Variants in CLINT1 observed in about 807,000 individuals in gnomAD.
The protein encoded by CLINT1 is clathrin interactor 1.
A neutral mutation model predicts 70.4 loss-of-function variants in CLINT1; 15 were observed. The observed-to-expected ratio is 0.21, with a 90% confidence interval of 0.14 to 0.33. The LOEUF is 0.33. Among genes scored for constraint, CLINT1 ranks in the 10% least tolerant of loss-of-function variants. CLINT1 has a pLI of 1.00. For missense variants in CLINT1, 615 were observed against 778.1 expected, an observed-to-expected ratio of 0.79 and a Z score of 2.49; for synonymous variants, 227 against 254.7, an observed-to-expected ratio of 0.89 and a Z score of 1.04.
intron 1 of CLINT1, among the ~76,000 whole-genome samples, chr5:157,854,147 G>A (rs985654400): frequency 1.3e-5 from 2 of 152,134 alleles, no homozygotes; most frequent in African/African-American, 4.8e-5. Context: ...ACTGAACAGA[G>A]ATTTACTGGT....
At chr5:157,807,893 A>C (rs1450885437) in intron 6 of CLINT1, among the ~76,000 whole-genome samples, 1 of 152,126 alleles carries the variant, frequency 6.6e-6, no homozygotes, top group Non-Finnish European at 1.5e-5. Flanking sequence ...CCTAAGACCC[A>C]ACCAGACTGT....
At chr5:157,818,462 G>GTC (rs1762784646) in intron 1 of CLINT1, among the ~76,000 whole-genome samples, 1 of 128,918 alleles carries the variant, frequency 7.8e-6, no homozygotes, top group Non-Finnish European at 1.6e-5. Context: ...GTGAGACCTG[G>GTC]TCTCTAAAAA....
At chr5:157,846,349 T>C (rs1302880956) in intron 1 of CLINT1, among the ~76,000 whole-genome samples, 2 of 151,596 alleles carry the variant, frequency 1.3e-5, no homozygotes, top group Admixed American at 6.6e-5. Context: ...TGGAGAAAGT[T>C]TGAGTGGTTT....
At chr5:157,812,220 G>T (rs995010432) in intron 5 of CLINT1, among the ~76,000 whole-genome samples, 31 of 152,192 alleles carry the variant, frequency 2.0e-4, no homozygotes, top group Middle Eastern at 3.4e-3. Context: ...AAGGAGATAT[G>T]AGAGCTCAAT....
intron 10 of CLINT1, chr5:157,789,760 A>C: frequency 1.7e-6 from 1 of 580,168 alleles, no homozygotes; most frequent in Non-Finnish European, 3.1e-6. Flanking sequence ...GAGGTGGATA[A>C]AACCAACAAC....
intron 8 of CLINT1, among the ~76,000 whole-genome samples, chr5:157,799,949 A>C (rs1438558300): frequency 6.6e-6 from 1 of 152,152 alleles, no homozygotes. Context: ...ATAGTATTGT[A>C]TATGGGACCA....
At chr5:157,840,246 T>A (rs1581535140) in intron 1 of CLINT1, among the ~76,000 whole-genome samples, 1 of 129,874 alleles carries the variant, frequency 7.7e-6, no homozygotes, top group African/African-American at 2.9e-5. Context: ...AGGAATAGTC[T>A]ATTTAAAAAA....
Position 157,797,832 on chromosome 5 carries a change from T to C in CLINT1, c.1013-2860A>G, listed in dbSNP as rs575786247. 2.0e-5 allele frequency among the ~76,000 whole-genome samples: 3 copies of C among 152,342 alleles called. No homozygotes were observed. In the East Asian group the frequency reaches 5.8e-4, roughly 29 times the overall value. On this transcript the variant is annotated intron_variant, in intron 8 of 11. Transcript: ENST00000411809. ...TAGTATTTCAGATAATTACCTATCTTCTATCACCAAAACAGAAATTATATG... is the reference window on the plus strand; with the variant it reads ...TAGTATTTCAGATAATTACCTATCTCCTATCACCAAAACAGAAATTATATG...
chr5:157,804,931 A>G (rs368703442), intron 7 of CLINT1, among the ~76,000 whole-genome samples: 1 of 150,542 alleles, frequency 6.6e-6, no homozygotes, highest in Non-Finnish European at 1.5e-5. Flanking sequence ...CGGTCTTCCA[A>G]AAAAAGAAAA....
intron 1 of CLINT1, among the ~76,000 whole-genome samples, chr5:157,842,438 G>A (rs1753218796): frequency 6.6e-6 from 1 of 152,198 alleles, no homozygotes. Context: ...GGGTGATACA[G>A]CGAGACTCCA....
intron 6 of CLINT1, among the ~76,000 whole-genome samples, chr5:157,806,446 T>A (rs1298155099): frequency 6.6e-6 from 1 of 152,206 alleles, no homozygotes; most frequent in African/African-American, 2.4e-5. Flanking sequence ...GGATTTGATA[T>A]CAGAATCCAT....
chr5:157,801,073 T>C (rs1224570347), intron 8 of CLINT1, among the ~76,000 whole-genome samples: 2 of 152,210 alleles, frequency 1.3e-5, no homozygotes, highest in African/African-American at 4.8e-5. Flanking sequence ...CTTAAACATA[T>C]AAAAATATAT....
In CLINT1 at chr5:157,853,777, C is replaced by CAA. The variant is rs11316474; in HGVS notation, c.41+5151_41+5152dup. On this transcript the variant is annotated intron_variant, in intron 1 of 11. Transcript: ENST00000411809. Reference sequence around the variant, plus strand: ...GGGCAACGAGAGCGAGACACCATCTCAAAAAAAAAAAAAAAAAAAAAAAAA... The same window carrying CAA: ...GGGCAACGAGAGCGAGACACCATCTCAAAAAAAAAAAAAAAAAAAAAAAAAAA... Among the ~76,000 whole-genome samples the CAA allele has an allele frequency of 7.2e-3, 345 of 47,984 alleles. 6 individuals carry two copies. Among genetic ancestry groups the CAA allele is most frequent in the Middle Eastern group, 0.021 (1 of 48 alleles). 31.5% of individuals were successfully genotyped at this position (47,984 alleles called of 152,430 possible).
chr5:157,787,690 G>C lies in CLINT1; in HGVS notation c.1834C>G (p.Pro612Ala). Residue 612 changes from proline (P) to alanine (A), a missense_variant, in exon 12 of 12, where the codon CCC becomes GCC. Physicochemically the swap from Pro to Ala is conservative, Grantham distance 27. Coordinates refer to ENST00000411809, the MANE Select transcript of CLINT1 (RefSeq NM_014666.4). ...AAATTTGCAAAGGCATCTTGCTTGGGTTGCACAGTTCCAGAAGTCATGGCT... is the reference window on the plus strand; with the variant it reads ...AAATTTGCAAAGGCATCTTGCTTGGCTTGCACAGTTCCAGAAGTCATGGCT... ...NIAMTSGTVQPKQDAFANFAN... is the reference protein window; with the variant it reads ...NIAMTSGTVQAKQDAFANFAN... 1.2e-6 allele frequency: 2 copies of C among 1,613,980 alleles called. No individual in the cohort carries two copies. Among genetic ancestry groups the C allele is most frequent in the Non-Finnish European group, 1.7e-6 (2 of 1,179,876 alleles).
Position 157,786,235 on chromosome 5 carries a change from T to C in CLINT1, c.*1411A>G, listed in dbSNP as rs1561630819. 1 of 152,208 alleles carries C rather than the reference T, an allele frequency of 6.6e-6. No individual in the cohort carries two copies. The allele number at this position is 152,208 out of a possible 1,614,324, so 9.4% of individuals were successfully genotyped here. A position where few individuals can be genotyped will look rare whatever the true frequency, so the allele number is the denominator to read the frequency against. On this transcript the variant is annotated 3_prime_UTR_variant, in exon 12 of 12. Coordinates refer to ENST00000411809, the MANE Select transcript of CLINT1 (RefSeq NM_014666.4). ...CTTTGCCCAAACTATAATTATTTTT[T>C]CCCCAAATGGTCTCAAATGTCTAAC...
At chr5:157,800,972 G>A (rs1762194812) in intron 8 of CLINT1, among the ~76,000 whole-genome samples, 2 of 152,156 alleles carry the variant, frequency 1.3e-5, no homozygotes. Flanking sequence ...AATATTTCAT[G>A]CCAGGAAGTC....
chr5:157,787,909 G>C lies in CLINT1; in HGVS notation c.1615C>G (p.Pro539Ala). The C allele has an allele frequency of 6.2e-7, 1 of 1,613,534 alleles. No homozygotes were observed. Among genetic ancestry groups the C allele is most frequent in the East Asian group, 2.2e-5 (1 of 44,850 alleles). The change falls in exon 12 of 12, where the codon CCC becomes GCC. Residue 539 changes from proline to alanine, a missense_variant. Physicochemically the swap from Pro to Ala is conservative, Grantham distance 27. This residue lies in a region of CLINT1 where 374 missense variants were observed against 409.6 expected (regional missense o/e 0.91). Transcript: ENST00000411809. ...SSPSNMLPVRPQTNALIGGPM... is the reference protein window; with the variant it reads ...SSPSNMLPVRAQTNALIGGPM... Reference sequence around the variant, plus strand: ...CCCCCTATCAAAGCATTAGTTTGGGGCCGGACAGGAAGCATGTTCGATGGA... The same window carrying C: ...CCCCCTATCAAAGCATTAGTTTGGGCCCGGACAGGAAGCATGTTCGATGGA...
At chr5:157,846,157 A>G (rs939171472) in intron 1 of CLINT1, among the ~76,000 whole-genome samples, 2 of 152,206 alleles carry the variant, frequency 1.3e-5, no homozygotes, top group Admixed American at 1.3e-4. Context: ...CCTACTTTCA[A>G]TCAAAAGCTA....
intron 1 of CLINT1, among the ~76,000 whole-genome samples, chr5:157,836,640 C>T (rs1251935326): frequency 2.0e-5 from 3 of 152,170 alleles, no homozygotes; most frequent in African/African-American, 7.2e-5. Context: ...TGAAGCTACT[C>T]CTCTTCTTCC....
Sources: gnomAD v4.1 joint callset for allele counts (sites outside exome capture counted in the v4.1 genomes callset) on GRCh38, gnomAD v4.1.1 for gene constraint, gnomAD v4.1.1 regional missense constraint, MANE v1.5 for transcripts, NCBI Gene and HGNC (gene_info 2026-07-23, HGNC 2026-07-21) for gene names.